The following VASH2 variants were observed in gnomAD, a reference collection of about 807,000 sequenced individuals.
The protein encoded by VASH2 is vasohibin 2.
VASH2 carries 28 observed loss-of-function variants against 37.2 expected under a neutral mutation model. The observed-to-expected ratio is 0.75, with a 90% CI of 0.56 to 1.03. The LOEUF is 1.03. VASH2 is among the 50% of genes least tolerant of loss of function. The pLI is 0.00. For missense variants in VASH2, 419 were observed against 459.1 expected (o/e 0.91, Z 0.80); for synonymous variants, 188 against 174.7 (o/e 1.08, Z -0.60).
rs543819904 is a variant in VASH2, at chr1:212,960,724, T to A, written c.277-442T>A. On this transcript the variant is annotated intron_variant, in intron 2 of 7. Transcript: ENST00000517399. ...TTTATATTCTGTGTAAATGTTGCCC[T>A]GCAGTAGAGCACTTGTAGTGGATCA... Among the ~76,000 whole-genome samples the A allele has an allele frequency of 1.8e-4, 27 of 152,328 alleles. No homozygotes were observed. The South Asian group carries it at 5.6e-3, about 32-fold the overall frequency.
At chr1:212,963,365 C>T (rs1666737011) in intron 3 of VASH2, among the ~76,000 whole-genome samples, 1 of 152,224 alleles carries the variant, frequency 6.6e-6, no homozygotes, top group South Asian at 2.1e-4. Flanking sequence ...GAAGACAGGG[C>T]ACCCACTCTT....
intron 2 of VASH2, among the ~76,000 whole-genome samples, chr1:212,955,833 C>T (rs149483201): frequency 0.019 from 2,906 of 152,334 alleles, 33 homozygotes; most frequent in Non-Finnish European, 0.028. Flanking sequence ...GCAGGCATCT[C>T]CTTTCCTCCC....
chr1:212,961,117 C>G (rs750744327), intron 2 of VASH2, 49 bp from the exon 3 acceptor site: 4 of 1,589,016 alleles, frequency 2.5e-6, no homozygotes, highest in Non-Finnish European at 3.5e-6. Flanking sequence ...GAAGCTGGGC[C>G]CCAGAGCGCC....
At chr1:212,957,796 C>T (rs796982390) in intron 2 of VASH2, among the ~76,000 whole-genome samples, 38 of 152,046 alleles carry the variant, frequency 2.5e-4, no homozygotes, top group African/African-American at 8.4e-4. Flanking sequence ...TTTTTAGTTT[C>T]GCCCTGTTGG....
At chr1:212,960,379 CAGAGG>C (rs770436676) in intron 2 of VASH2, among the ~76,000 whole-genome samples, 24 of 152,086 alleles carry the variant, frequency 1.6e-4, no homozygotes, top group Non-Finnish European at 3.2e-4. Context: ...GCGTGTGAGC[CAGAGG>C]AGCTGCACTT....
In VASH2 at chr1:212,972,857, T is replaced by G; in HGVS notation, c.775T>G (p.Phe259Val). Residue 259 changes from phenylalanine to valine, a missense_variant, in exon 6 of 8, where the codon TTC (phenylalanine) becomes GTC (valine). Phe to Val is a conservative substitution (Grantham distance 50). This residue lies in a region of VASH2 where 177 missense variants were observed against 166.2 expected (regional missense o/e 1.06). Coordinates refer to ENST00000517399, the MANE Select transcript of VASH2 (RefSeq NM_001301056.2). The stretch of plus-strand genomic sequence containing the variant: ...GTACGTCCCCCATGAGCCTCATAGC[T>G]TCCAGCCCATTGAGTGGAAGCAGCT... ...GLYVPHEPHS[F>V]QPIEWKQLVL... 2 of 1,614,160 alleles carry G rather than the reference T, an allele frequency of 1.2e-6. No individual in the cohort carries two copies. The highest frequency in any genetic ancestry group is 1.7e-6 in the Non-Finnish European group (2 of 1,180,032).
chr1:212,986,736 A>C (rs1453883473), intron 7 of VASH2, among the ~76,000 whole-genome samples: 2 of 121,868 alleles, frequency 1.6e-5, no homozygotes, highest in Non-Finnish European at 3.5e-5. Flanking sequence ...CTCTGATACA[A>C]TGAGCAGAGT....
intron 5 of VASH2, among the ~76,000 whole-genome samples, chr1:212,972,314 G>C (rs950638115): frequency 6.6e-6 from 1 of 152,106 alleles, no homozygotes; most frequent in Non-Finnish European, 1.5e-5. Flanking sequence ...TTATTGTTTT[G>C]TTTTGCATGT....
chr1:212,987,180 GA>G lies in VASH2; in HGVS notation c.996-1327del, dbSNP rs147206489. On this transcript the variant is annotated intron_variant, in intron 7 of 7. Coordinates refer to ENST00000517399, the MANE Select transcript of VASH2 (RefSeq NM_001301056.2). ...TTAGTTGGACCACTTTTATGCCAGGGAAAAACCATTAGCTGTTAGGAAATCT... is the reference window on the plus strand; with the variant it reads ...TTAGTTGGACCACTTTTATGCCAGGGAAAACCATTAGCTGTTAGGAAATCT... 8.1e-3 allele frequency among the ~76,000 whole-genome samples: 1,232 copies of G among 152,000 alleles called. 24 individuals are homozygous for G. The highest frequency in any genetic ancestry group is 0.027 in the African/African-American group (1,139 of 41,462).
intron 5 of VASH2, chr1:212,967,971 TCAC>T (rs1666898457): frequency 6.5e-6 from 1 of 154,048 alleles, no homozygotes; most frequent in Admixed American, 6.5e-5. Flanking sequence ...GCATACATCA[TCAC>T]CACCACTAGG....
At position 212,984,412 on chromosome 1, in the gene VASH2, G is replaced by A. The variant is rs143711618; in HGVS notation, c.996-4100G>A. 3.5e-4 allele frequency among the ~76,000 whole-genome samples: 53 copies of A among 152,256 alleles called. No homozygotes were observed. In the East Asian group the frequency reaches 9.5e-3, roughly 27 times the overall value. Reference sequence around the variant, plus strand: ...GTGAGCCTCCATGACAGGGATGAGCGGGTGGGCTTTGTTTTCTCCCTGAGC... The same window carrying A: ...GTGAGCCTCCATGACAGGGATGAGCAGGTGGGCTTTGTTTTCTCCCTGAGC... On this transcript the variant is annotated intron_variant, in intron 7 of 7. Transcript: ENST00000517399.
intron 2 of VASH2, among the ~76,000 whole-genome samples, chr1:212,958,311 C>T (rs1457928622): frequency 1.3e-5 from 2 of 152,228 alleles, no homozygotes; most frequent in Non-Finnish European, 1.5e-5. Flanking sequence ...ACTGCCCTGC[C>T]CCCAGCTGGG....
chr1:212,979,478 C>T (rs900196283), intron 7 of VASH2, among the ~76,000 whole-genome samples: 11 of 152,106 alleles, frequency 7.2e-5, no homozygotes, highest in Admixed American at 3.9e-4. Context: ...CCATAACAGG[C>T]GAGAGGCCCA....
intron 7 of VASH2, 113 bp from the exon 8 acceptor site, chr1:212,988,399 A>G (rs1042671927): frequency 5.1e-5 from 54 of 1,063,204 alleles, no homozygotes; most frequent in Non-Finnish European, 7.4e-5. Flanking sequence ...GAATGGGAGG[A>G]TGAGACAAAT....
intron 2 of VASH2, among the ~76,000 whole-genome samples, chr1:212,953,671 C>G (rs1465050386): frequency 2.0e-5 from 3 of 152,158 alleles, no homozygotes; most frequent in African/African-American, 7.2e-5. Context: ...CTTAAAATCT[C>G]TGTCCTTAGT....
At chr1:212,964,325 C>T (rs1049101397) in intron 3 of VASH2, among the ~76,000 whole-genome samples, 11 of 152,240 alleles carry the variant, frequency 7.2e-5, no homozygotes, top group African/African-American at 1.4e-4. Context: ...TGCCGCTAGG[C>T]GCCCCTGTCA....
In VASH2 at chr1:212,988,513, C is replaced by A. The variant is rs1337726294; in HGVS notation, c.997C>A (p.Pro333Thr). The A allele has an allele frequency of 2.2e-5, 35 of 1,613,928 alleles. No individual in the cohort carries two copies. The highest frequency in any genetic ancestry group is 2.8e-5 in the Non-Finnish European group (33 of 1,179,960). The part of the protein sequence containing the change: ...PRRLGRREKS[P>T]ALPEKKVADL... ...CATATTTCTGTCTTTTACCCTTAGG[C>A]CTGCACTGCCTGAAAAGAAGGTGGC... Residue 333 changes from proline (P) to threonine (T), a missense_variant and splice_region_variant, in exon 8 of 8, where the codon CCT becomes ACT. Physicochemically the swap from Pro to Thr is conservative, Grantham distance 38 (BLOSUM62 -1). Transcript: ENST00000517399.
At chr1:212,980,913 C>T (rs1667320036) in intron 7 of VASH2, among the ~76,000 whole-genome samples, 1 of 152,154 alleles carries the variant, frequency 6.6e-6, no homozygotes, top group Non-Finnish European at 1.5e-5. Flanking sequence ...CTGGTCAGTT[C>T]CCCCAGGGAA....
intron 2 of VASH2, among the ~76,000 whole-genome samples, chr1:212,959,435 TCACACGCACATTCA>T (rs1194847898): frequency 8.2e-6 from 1 of 121,644 alleles, no homozygotes; most frequent in East Asian, 2.4e-4. Context: ...ACACTCACAT[TCACACGCACATTCA>T]CACACACACA....
Sources: allele counts gnomAD v4.1 joint callset (sites outside exome capture counted in the v4.1 genomes callset), GRCh38; gene constraint gnomAD v4.1.1; regional missense constraint gnomAD v4.1.1; transcripts MANE v1.5; gene names NCBI Gene and HGNC (gene_info 2026-07-23, HGNC 2026-07-21).